Variants in PCDH15 observed in about 807,000 individuals in gnomAD.
The protein encoded by PCDH15 is protocadherin related 15, also known as protocadherin-15.
PCDH15 carries 129 observed loss-of-function variants against 178.5 expected under a neutral mutation model. The observed-to-expected ratio is 0.72, with a 90% confidence interval of 0.63 to 0.84. The LOEUF (loss-of-function observed/expected upper bound fraction) is 0.84, where lower values mean the gene tolerates loss of function less well. PCDH15 is among the 40% of genes least tolerant of loss of function. The pLI is 0.00. For missense variants in PCDH15, 2,230 were observed against 2,099.9 expected, an observed-to-expected ratio of 1.06 and a Z score of -1.21; for synonymous variants, 800 against 732.0, an observed-to-expected ratio of 1.09 and a Z score of -1.50.
chr10:55,048,470 T>C (rs1396693083), intron 2 of PCDH15, among the ~76,000 whole-genome samples: 1 of 151,860 alleles, frequency 6.6e-6, no homozygotes, highest in African/African-American at 2.4e-5. Context: ...CAAATAACAC[T>C]TTATAGAAAA....
At chr10:53,977,761 T>C (rs1293251198) in intron 21 of PCDH15, among the ~76,000 whole-genome samples, 3 of 152,216 alleles carry the variant, frequency 2.0e-5, no homozygotes, top group Non-Finnish European at 4.4e-5. Flanking sequence ...AAAAGCATTG[T>C]TACTTCCTAG....
chr10:54,594,733 G>A (rs1169963676), intron 2 of PCDH15, among the ~76,000 whole-genome samples: 1 of 152,132 alleles, frequency 6.6e-6, no homozygotes, highest in Non-Finnish European at 1.5e-5. Flanking sequence ...CATGTACCAT[G>A]CCATGCCATG....
At chr10:54,467,601 G>GTTTTTTTTTTTTTTTTTTTTTTT (rs67776985) in intron 3 of PCDH15, among the ~76,000 whole-genome samples, 7 of 45,698 alleles carry the variant, frequency 1.5e-4, no homozygotes, top group East Asian at 7.1e-4. Flanking sequence ...TCAAGCTGTA[G>GTTTTTTTTTTTTTTTTTTTTTTT]TTTTTTTTTT....
intron 2 of PCDH15, among the ~76,000 whole-genome samples, chr10:55,578,800 A>C (rs1244764387): frequency 6.6e-6 from 1 of 152,140 alleles, no homozygotes; most frequent in Non-Finnish European, 1.5e-5. Flanking sequence ...GGCAAAAAAG[A>C]TAGTGTGCAG....
chr10:55,020,083 T>C (rs919301276), intron 2 of PCDH15, among the ~76,000 whole-genome samples: 3 of 149,236 alleles, frequency 2.0e-5, no homozygotes, highest in Middle Eastern at 3.6e-3. Context: ...TGGATTAATA[T>C]TTTCTCCCTC....
chr10:54,567,394 A>T (rs2089199751), intron 2 of PCDH15, among the ~76,000 whole-genome samples: 1 of 152,190 alleles, frequency 6.6e-6, no homozygotes, highest in Non-Finnish European at 1.5e-5. Flanking sequence ...GTATCCAAAA[A>T]GTCATTGCCA....
intron 2 of PCDH15, among the ~76,000 whole-genome samples, chr10:55,342,235 T>A (rs1029959376): frequency 2.0e-5 from 3 of 151,846 alleles, no homozygotes; most frequent in Non-Finnish European, 2.9e-5. Flanking sequence ...TTTCTTTAGA[T>A]CAATTATAGG....
chr10:53,809,417 T>G, intron 37 of PCDH15: 1 of 1,614,024 alleles, frequency 6.2e-7, no homozygotes, highest in Middle Eastern at 1.6e-4. Context: ...ATGGGGAATA[T>G]TCTGGCTCTC....
At chr10:54,028,775 C>A (rs1417094234) in intron 18 of PCDH15, among the ~76,000 whole-genome samples, 1 of 83,598 alleles carries the variant, frequency 1.2e-5, no homozygotes, top group Non-Finnish European at 2.4e-5. Context: ...ATATCACACT[C>A]TGGGGACTGT....
At chr10:55,044,767 T>C (rs898921367) in intron 2 of PCDH15, among the ~76,000 whole-genome samples, 2 of 152,158 alleles carry the variant, frequency 1.3e-5, no homozygotes. Flanking sequence ...CATTTTATTT[T>C]ATCACTAAAC....
At chr10:54,599,492 A>G (rs1229408936) in intron 2 of PCDH15, among the ~76,000 whole-genome samples, 1 of 152,060 alleles carries the variant, frequency 6.6e-6, no homozygotes, top group Non-Finnish European at 1.5e-5. Flanking sequence ...CTTACATCAT[A>G]TACAAAAATC....
intron 2 of PCDH15, among the ~76,000 whole-genome samples, chr10:55,525,288 C>A (rs936944341): frequency 6.6e-6 from 1 of 151,688 alleles, no homozygotes; most frequent in African/African-American, 2.4e-5. Context: ...AAACAAATGG[C>A]TTTTTACAGA....
At chr10:54,872,234 A>AG (rs1352097842) in intron 3 of PCDH15, among the ~76,000 whole-genome samples, 1 of 152,044 alleles carries the variant, frequency 6.6e-6, no homozygotes, top group East Asian at 1.9e-4. Flanking sequence ...ATGGCAAAAA[A>AG]GTGAATGCCT....
At chr10:54,879,592 C>T (rs1343627743) in intron 3 of PCDH15, among the ~76,000 whole-genome samples, 1 of 151,390 alleles carries the variant, frequency 6.6e-6, no homozygotes, top group Non-Finnish European at 1.5e-5. Context: ...AGCAGGCATT[C>T]TTAATATAAA....
chr10:54,703,914 C>G (rs1447834608), intron 1 of PCDH15, among the ~76,000 whole-genome samples: 1 of 152,024 alleles, frequency 6.6e-6, no homozygotes, highest in Non-Finnish European at 1.5e-5. Flanking sequence ...GACACATAGA[C>G]CAATGGGACA....
Position 53,806,773 on chromosome 10 carries a change from G to A in PCDH15, c.5029C>T (p.Pro1677Ser). ...ACCGCTGTATTGTCAGTCCCCACAG[G>A]GCAAGGGGCAAATGTAACCAGAGTT... ...RPTLVTFAPC[P>S]VGTDNTAVKP... Residue 1677 changes from proline (P) to serine (S), a missense_variant, in exon 38 of 38, where the codon CCT (proline) becomes TCT (serine). Pro to Ser is a moderately conservative substitution (Grantham distance 74, BLOSUM62 -1). Coordinates refer to ENST00000644397, the MANE Select transcript of PCDH15 (RefSeq NM_001384140.1). 1 of 1,613,688 alleles carries A rather than the reference G, an allele frequency of 6.2e-7. No individual in the cohort carries two copies.
intron 9 of PCDH15, among the ~76,000 whole-genome samples, chr10:54,220,442 A>G (rs1013150724): frequency 1.3e-5 from 2 of 152,212 alleles, no homozygotes; most frequent in Non-Finnish European, 2.9e-5. Context: ...CTGTTATGCT[A>G]TATAGCCTGA....
At chr10:55,139,438 C>T (rs1399046875) in intron 2 of PCDH15, among the ~76,000 whole-genome samples, 4 of 151,974 alleles carry the variant, frequency 2.6e-5, no homozygotes, top group African/African-American at 9.7e-5. Context: ...AGTCCATGCT[C>T]CATTTTGAGT....
At chr10:54,230,856 T>A (rs568184905) in intron 9 of PCDH15, among the ~76,000 whole-genome samples, 1 of 152,290 alleles carries the variant, frequency 6.6e-6, no homozygotes, top group South Asian at 2.1e-4. Flanking sequence ...ATATTACTTT[T>A]CACACATTAG....
Sources: gnomAD v4.1 joint callset for allele counts (sites outside exome capture counted in the v4.1 genomes callset) on GRCh38, gnomAD v4.1.1 for gene constraint, MANE v1.5 for transcripts, NCBI Gene and HGNC (gene_info 2026-07-23, HGNC 2026-07-21) for gene names.